WDFY3: variants seen among roughly 807,000 people sequenced by gnomAD.
WDFY3 encodes WD repeat and FYVE domain-containing protein 3.
A neutral mutation model predicts 409.6 loss-of-function variants in WDFY3; 66 were observed. The ratio of observed to expected loss-of-function variants is 0.16; its 90% confidence interval spans 0.13 to 0.20. The LOEUF (loss-of-function observed/expected upper bound fraction) is 0.20, where lower values mean the gene tolerates loss of function less well. WDFY3 is among the 10% of genes least tolerant of loss of function. WDFY3 has a pLI of 1.00. For synonymous variants in WDFY3, 1,521 were observed against 1,537.1 expected (o/e 0.99, Z 0.25); for missense variants, 3,031 against 4,298.1 (o/e 0.71, Z 8.24).
chr4:84,779,951 TC>T (rs1228047325), intron 26 of WDFY3, among the ~76,000 whole-genome samples, 156 bp downstream of exon 26: 2 of 152,242 alleles, frequency 1.3e-5, no homozygotes, highest in African/African-American at 4.8e-5. Context: ...ATACATACTT[TC>T]ATTTGACATA....
chr4:84,837,056 G>T lies in WDFY3; in HGVS notation c.449C>A (p.Pro150His). Residue 150 changes from proline (P) to histidine (H), a missense_variant, in exon 7 of 68, where the codon CCT (proline) becomes CAT (histidine). By Grantham distance (77) the Pro-to-His change is moderately conservative. Around this residue, in one of 16 missense-constraint regions of WDFY3, gnomAD observed 1,322 missense variants for 1,697.9 expected, o/e 0.78. Transcript: ENST00000295888. ...TVDCMTTMSV[P>H]STLVKCLYLF... ...ATATAAACATTTAACCAGGGTGGAA[G>T]GCACTGACATTGTTGTCATGCAGTC... 6.3e-7 allele frequency: 1 copy of T among 1,582,368 alleles called. No individual in the cohort carries two copies. Among genetic ancestry groups the T allele is most frequent in the South Asian group, 1.2e-5 (1 of 83,984 alleles).
chr4:84,822,429 G>T (rs1162146132), intron 10 of WDFY3, among the ~76,000 whole-genome samples: 1 of 152,112 alleles, frequency 6.6e-6, no homozygotes, highest in Non-Finnish European at 1.5e-5. Flanking sequence ...AGGGCTGGGG[G>T]CAGTAGCTCA....
chr4:84,825,548 A>G (rs1312473420), intron 10 of WDFY3, among the ~76,000 whole-genome samples: 1 of 151,882 alleles, frequency 6.6e-6, no homozygotes, highest in Non-Finnish European at 1.5e-5. Flanking sequence ...ATGAAACCTT[A>G]AATCACTTAG....
Position 84,704,453 on chromosome 4 carries a change from G to A in WDFY3, c.8336-9C>T, listed in dbSNP as rs1252846117. The A allele has an allele frequency of 6.4e-7, 1 of 1,564,638 alleles. No individual in the cohort carries two copies. The highest frequency in any genetic ancestry group is 8.7e-7 in the Non-Finnish European group (1 of 1,153,070). On this transcript the variant is annotated splice_polypyrimidine_tract_variant and intron_variant, in intron 54 of 67. Transcript: ENST00000295888. ...GTATGCAGGAGTTTCTCCTGTTTAA[G>A]AAAATTAAAGCACAATTGAAACCAA...
intron 10 of WDFY3, among the ~76,000 whole-genome samples, chr4:84,823,245 T>C (rs1754353657): frequency 6.6e-6 from 1 of 152,080 alleles, no homozygotes; most frequent in Non-Finnish European, 1.5e-5. Context: ...CAGATACCCA[T>C]ATTAAAAAAG....
chr4:84,767,738 A>G (rs1354108485), intron 30 of WDFY3, among the ~76,000 whole-genome samples: 1 of 152,188 alleles, frequency 6.6e-6, no homozygotes, highest in Non-Finnish European at 1.5e-5. Context: ...TCCTGAGCAA[A>G]GCCTGAACTC....
intron 1 of WDFY3, among the ~76,000 whole-genome samples, chr4:84,961,152 C>T (rs1774868165): frequency 6.7e-6 from 1 of 149,640 alleles, no homozygotes; most frequent in East Asian, 2.0e-4. Context: ...GAGGTGGAGG[C>T]TGCAGTGAGC....
At chr4:84,780,418 A>AT in intron 25 of WDFY3, 120 bp from the exon 26 acceptor site, 1 of 1,069,342 alleles carries the variant, frequency 9.4e-7, no homozygotes, top group Non-Finnish European at 1.3e-6. Context: ...TCTTCTGTCT[A>AT]TAATGCAAAT....
At chr4:84,801,353 T>C (rs966000160) in intron 17 of WDFY3, among the ~76,000 whole-genome samples, 1 of 152,202 alleles carries the variant, frequency 6.6e-6, no homozygotes, top group African/African-American at 2.4e-5. Flanking sequence ...AAAAACTTCT[T>C]ACATATGAAA....
intron 3 of WDFY3, among the ~76,000 whole-genome samples, chr4:84,893,862 C>T (rs746122480): frequency 2.0e-5 from 3 of 151,974 alleles, no homozygotes; most frequent in Non-Finnish European, 4.4e-5. Flanking sequence ...TGGTGGCCAG[C>T]GCCTGTAATC....
In WDFY3 at chr4:84,821,522, C is replaced by T. The variant is rs745461827; in HGVS notation, c.1153G>A (p.Ala385Thr). ...GHSVRNVQAF[A>T]VLQNAFLKAK... is the part of the protein sequence containing the mutation. ...TTTAAAAATGCATTCTGAAGAACTGCAAAGGCCTGGACGTTTCTCACACTG... is the reference window on the plus strand; with the variant it reads ...TTTAAAAATGCATTCTGAAGAACTGTAAAGGCCTGGACGTTTCTCACACTG... The change falls in exon 11 of 68, where the codon GCA becomes ACA. Residue 385 changes from alanine to threonine, a missense_variant. By Grantham distance (58) the Ala-to-Thr change is moderately conservative (BLOSUM62 0). Coordinates refer to ENST00000295888, the MANE Select transcript of WDFY3 (RefSeq NM_014991.6). 4.3e-6 allele frequency: 7 copies of T among 1,613,282 alleles called. No individual in the cohort carries two copies. Among genetic ancestry groups the T allele is most frequent in the Non-Finnish European group, 5.9e-6 (7 of 1,179,654 alleles).
At chr4:84,850,949 T>TGAGAACTGG (rs1758902838) in intron 4 of WDFY3, among the ~76,000 whole-genome samples, 1 of 80,846 alleles carries the variant, frequency 1.2e-5, no homozygotes, top group African/African-American at 3.8e-5. Flanking sequence ...TTTTTTTTTT[T>TGAGAACTGG]TTTTTTTTTT....
chr4:84,833,407 G>T (rs370413661), intron 7 of WDFY3, among the ~76,000 whole-genome samples: 9 of 152,070 alleles, frequency 5.9e-5, no homozygotes, highest in East Asian at 3.9e-4. Flanking sequence ...CAGGTGTGGT[G>T]GCTCATGCCT....
rs111335147 is a variant in WDFY3 at position 84,899,337 on chromosome 4, T to C, written c.-131-2327A>G. Among the ~76,000 whole-genome samples, 516 of 152,322 alleles carry C rather than the reference T, an allele frequency of 3.4e-3. 3 individuals are homozygous for C. Among genetic ancestry groups the C allele is most frequent in the African/African-American group, 0.011 (471 of 41,574 alleles). ...TAAGACAAGACCAAAGCCTGTCTTA[T>C]AAATTAGGTGAGCTTGCTGCGTGAA... On this transcript the variant is annotated intron_variant, in intron 2 of 67. Transcript: ENST00000295888.
intron 2 of WDFY3, among the ~76,000 whole-genome samples, chr4:84,918,871 A>G (rs943560641): frequency 2.6e-5 from 4 of 151,502 alleles, no homozygotes; most frequent in African/African-American, 9.7e-5. Flanking sequence ...ATACACACAC[A>G]CATGTGTACA....
At chr4:84,938,296 A>C (rs1455983007) in intron 1 of WDFY3, among the ~76,000 whole-genome samples, 1 of 152,182 alleles carries the variant, frequency 6.6e-6, no homozygotes, top group African/African-American at 2.4e-5. Context: ...ATTGGGGGAC[A>C]ACAACTAGAT....
intron 3 of WDFY3, among the ~76,000 whole-genome samples, chr4:84,894,392 C>G (rs1051634114): frequency 6.6e-6 from 1 of 152,102 alleles, no homozygotes; most frequent in Non-Finnish European, 1.5e-5. Context: ...GGTGCAGGGG[C>G]TCATGCCTGT....
intron 16 of WDFY3, 60 bp from the exon 17 acceptor site, chr4:84,801,924 C>A (rs1750641449): frequency 2.0e-6 from 3 of 1,517,606 alleles, no homozygotes; most frequent in South Asian, 1.2e-5. Context: ...GATGACAATT[C>A]TTTTCACATG....
Position 84,899,674 on chromosome 4 carries a change from G to A in WDFY3, c.-131-2664C>T, listed in dbSNP as rs142237745. Among the ~76,000 whole-genome samples, 137 of 152,140 alleles carry A rather than the reference G, an allele frequency of 9.0e-4. 1 individual carries two copies. Among genetic ancestry groups the A allele is most frequent in the African/African-American group, 3.2e-3 (133 of 41,504 alleles). On this transcript the variant is annotated intron_variant, in intron 2 of 67. Coordinates refer to ENST00000295888, the MANE Select transcript of WDFY3 (RefSeq NM_014991.6). ...ACAACAGCAGAGTACCCACAACAGAGACCCTAAAGCATAAAATACTTCATC... is the reference window on the plus strand; with the variant it reads ...ACAACAGCAGAGTACCCACAACAGAAACCCTAAAGCATAAAATACTTCATC...
Sources: gnomAD v4.1 joint callset for allele counts (sites outside exome capture counted in the v4.1 genomes callset) on GRCh38, gnomAD v4.1.1 for gene constraint, gnomAD v4.1.1 regional missense constraint, MANE v1.5 for transcripts, NCBI Gene and HGNC (gene_info 2026-07-23, HGNC 2026-07-21) for gene names.